The following LCA5L variants were observed in gnomAD, a reference collection of about 807,000 sequenced individuals.
LCA5L encodes lebercilin-like protein.
A neutral mutation model predicts 45.4 loss-of-function variants in LCA5L; 35 were observed. The observed-to-expected ratio is 0.77, with a 90% CI of 0.59 to 1.02. The LOEUF (loss-of-function observed/expected upper bound fraction) is 1.02, where lower values mean the gene tolerates loss of function less well. LCA5L is among the 50% of genes least tolerant of loss of function. The pLI is 0.00. For missense variants in LCA5L, 668 were observed against 761.6 expected, an observed-to-expected ratio of 0.88 and a Z score of 1.45; for synonymous variants, 233 against 264.7, an observed-to-expected ratio of 0.88 and a Z score of 1.16.
chr21:39,443,394 C>T (rs2148351145), intron 2 of LCA5L: 1 of 152,380 alleles, frequency 6.6e-6, no homozygotes, highest in South Asian at 2.1e-4. Context: ...GAATGTATAC[C>T]TGACAGGGTA....
intron 3 of LCA5L, among the ~76,000 whole-genome samples, chr21:39,433,435 A>AG (rs1485057886): frequency 3.3e-5 from 5 of 151,556 alleles, no homozygotes; most frequent in African/African-American, 7.3e-5. Context: ...AAAAAAAAAA[A>AG]AAGATCCTTT....
chr21:39,440,141 AC>A (rs1420138271), intron 2 of LCA5L, among the ~76,000 whole-genome samples: 1 of 152,176 alleles, frequency 6.6e-6, no homozygotes, highest in East Asian at 1.9e-4. Context: ...AGAATCAACG[AC>A]ACCCCAGAAA....
At chr21:39,425,606 C>T (rs1182176014) in intron 5 of LCA5L, among the ~76,000 whole-genome samples, 1 of 152,122 alleles carries the variant, frequency 6.6e-6, no homozygotes, top group Non-Finnish European at 1.5e-5. Context: ...TTGTTGAGGC[C>T]GTACACTTTA....
chr21:39,441,257 G>A (rs997580757), intron 2 of LCA5L, among the ~76,000 whole-genome samples: 9 of 152,114 alleles, frequency 5.9e-5, no homozygotes, highest in African/African-American at 1.9e-4. Flanking sequence ...AGTGAGCTGT[G>A]ATCGCACAAC....
At position 39,406,225 on chromosome 21, in the gene LCA5L, T is replaced by C. The variant is rs778743313; in HGVS notation, c.1670A>G (p.Lys557Arg). ...CATTTCCTCTCTGTTACTGAGATGC[T>C]TGCCTGTACTATGACTGTACCTCAT... ...GNMRYSHSTG[K>R]HLSNREEMEL... The change falls in exon 11 of 11, where the codon AAG becomes AGG. Residue 557 changes from lysine (K) to arginine (R), a missense_variant. Coordinates refer to ENST00000288350, the MANE Select transcript of LCA5L (RefSeq NM_152505.4). The C allele has an allele frequency of 5.0e-6, 8 of 1,614,142 alleles. No individual in the cohort carries two copies. In the African/African-American group the frequency reaches 8.0e-5, roughly 16 times the overall value.
intron 7 of LCA5L, among the ~76,000 whole-genome samples, chr21:39,412,204 C>T (rs201610753): frequency 2.0e-5 from 3 of 152,254 alleles, no homozygotes; most frequent in East Asian, 3.9e-4. Flanking sequence ...TTCCAATAGG[C>T]GGTCAGCAGC....
chr21:39,406,844 G>C, intron 10 of LCA5L: 2 of 432,178 alleles, frequency 4.6e-6, no homozygotes, highest in African/African-American at 2.0e-5. Flanking sequence ...GAAACCAAAA[G>C]AAAAATGACA....
intron 7 of LCA5L, among the ~76,000 whole-genome samples, chr21:39,412,840 G>A (rs986342514): frequency 1.3e-5 from 2 of 152,208 alleles, no homozygotes; most frequent in Non-Finnish European, 1.5e-5. Flanking sequence ...TATTGCCCAA[G>A]TGTAAGTTAG....
At chr21:39,420,525 A>AAAAAAAG (rs1375189232) in intron 7 of LCA5L, among the ~76,000 whole-genome samples, 181 bp downstream of exon 7, 2 of 150,568 alleles carry the variant, frequency 1.3e-5, no homozygotes. Flanking sequence ...TCTATCTCAA[A>AAAAAAAG]AAAAAAAAAA....
chr21:39,438,856 G>T (rs116403633), intron 2 of LCA5L: 1 of 151,698 alleles, frequency 6.6e-6, no homozygotes, highest in African/African-American at 2.4e-5. Context: ...TCTAAGATAC[G>T]TTCATTTTCC....
At chr21:39,427,943 G>C (rs1034243568) in intron 5 of LCA5L, 3 of 345,822 alleles carry the variant, frequency 8.7e-6, no homozygotes, top group Non-Finnish European at 1.6e-5. Flanking sequence ...GGCTCCAGTA[G>C]GGTAAGCCAT....
chr21:39,439,219 G>A lies in LCA5L; in HGVS notation c.-245-3646C>T, dbSNP rs543407372. 8.5e-5 allele frequency among the ~76,000 whole-genome samples: 13 copies of A among 152,276 alleles called. No individual in the cohort carries two copies. In the South Asian group the frequency reaches 2.7e-3, roughly 32 times the overall value. ...GCTGGCTTTCAAGATGGAAGAAGGGGTCACATGCCACAGAATACAGGCTTT... is the reference window on the plus strand; with the variant it reads ...GCTGGCTTTCAAGATGGAAGAAGGGATCACATGCCACAGAATACAGGCTTT... On this transcript the variant is annotated intron_variant, in intron 2 of 10. Coordinates refer to ENST00000288350, the MANE Select transcript of LCA5L (RefSeq NM_152505.4).
At chr21:39,441,135 A>G (rs2076809424) in intron 2 of LCA5L, among the ~76,000 whole-genome samples, 1 of 152,044 alleles carries the variant, frequency 6.6e-6, no homozygotes, top group Admixed American at 6.6e-5. Context: ...CGGGAGTTTG[A>G]GAGCAGCCTG....
At chr21:39,421,993 T>C (rs932899079) in intron 6 of LCA5L, 1 of 152,204 alleles carries the variant, frequency 6.6e-6, no homozygotes. Flanking sequence ...TACGCTAAGA[T>C]GAATACAATA....
intron 1 of LCA5L, among the ~76,000 whole-genome samples, chr21:39,444,413 C>T (rs2063999): frequency 0.88 from 134,480 of 152,222 alleles, 59,477 homozygotes; most frequent in South Asian, 0.9. Flanking sequence ...TATGGCCTTG[C>T]TGACCCGGTT....
chr21:39,422,663 CAG>C, intron 6 of LCA5L: 1 of 433,374 alleles, frequency 2.3e-6, no homozygotes, highest in Non-Finnish European at 4.0e-6. Context: ...CTTTTCAGCA[CAG>C]GGAAAAAGTC....
intron 2 of LCA5L, among the ~76,000 whole-genome samples, chr21:39,441,752 A>T (rs1376121076): frequency 6.6e-6 from 1 of 152,242 alleles, no homozygotes; most frequent in Non-Finnish European, 1.5e-5. Flanking sequence ...AAATCTTTAC[A>T]CAAGTACCCG....
At chr21:39,434,176 G>A (rs995669651) in intron 3 of LCA5L, among the ~76,000 whole-genome samples, 1 of 152,196 alleles carries the variant, frequency 6.6e-6, no homozygotes, top group African/African-American at 2.4e-5. Flanking sequence ...ATGAAATGGC[G>A]ACTGAGAGAC....
chr21:39,444,997 G>A (rs1304583359), intron 1 of LCA5L, among the ~76,000 whole-genome samples: 3 of 152,058 alleles, frequency 2.0e-5, no homozygotes, highest in Non-Finnish European at 4.4e-5. Flanking sequence ...CACACTTGGG[G>A]CTCACTGGAA....
Sources: allele counts gnomAD v4.1 joint callset (sites outside exome capture counted in the v4.1 genomes callset), GRCh38; gene constraint gnomAD v4.1.1; transcripts MANE v1.5; gene names NCBI Gene and HGNC (gene_info 2026-07-23, HGNC 2026-07-21).